The following PIAS2 variants were observed in gnomAD, a reference collection of about 807,000 sequenced individuals.
PIAS2 encodes the protein protein inhibitor of activated STAT 2.
In PIAS2, 19 loss-of-function variants were observed where a neutral mutation model predicts 69.7. The observed-to-expected ratio is 0.27, with a 90% CI of 0.19 to 0.40. The LOEUF is 0.40. PIAS2 is among the 10% of genes least tolerant of loss of function. The pLI is 1.00. For missense variants in PIAS2, 624 were observed against 757.0 expected (o/e 0.82, Z 2.06); for synonymous variants, 261 against 263.2 (o/e 0.99, Z 0.08).
intron 12 of PIAS2, chr18:46,817,459 T>C (rs1474510721): frequency 1.3e-5 from 12 of 953,996 alleles, no homozygotes; most frequent in East Asian, 1.2e-4. Flanking sequence ...CTGAGGATCC[T>C]ATTTTTGTTA....
intron 1 of PIAS2, among the ~76,000 whole-genome samples, chr18:46,897,935 G>A (rs936327399): frequency 4.0e-5 from 6 of 151,358 alleles, no homozygotes; most frequent in South Asian, 2.1e-4. Context: ...GTGGCAACAC[G>A]ATCTTGGCTC....
At chr18:46,876,921 C>T (rs1403094088) in intron 2 of PIAS2, among the ~76,000 whole-genome samples, 3 of 152,052 alleles carry the variant, frequency 2.0e-5, no homozygotes, top group Admixed American at 2.0e-4. Context: ...AGGATGGTCT[C>T]GATCTCCTGA....
intron 2 of PIAS2, among the ~76,000 whole-genome samples, chr18:46,883,668 A>T (rs148231567): frequency 3.8e-4 from 58 of 151,970 alleles, no homozygotes; most frequent in Admixed American, 1.7e-3. Context: ...GCAAAATCTC[A>T]TATCTACAAA....
intron 1 of PIAS2, among the ~76,000 whole-genome samples, chr18:46,905,467 TAAGAA>T (rs1056337420): frequency 3.3e-5 from 5 of 151,606 alleles, no homozygotes; most frequent in African/African-American, 7.3e-5. Context: ...AAAGGAAATG[TAAGAA>T]AAGAAAAGAA....
intron 1 of PIAS2, among the ~76,000 whole-genome samples, chr18:46,911,435 C>T (rs1056057198): frequency 1.8e-4 from 27 of 152,032 alleles, no homozygotes; most frequent in Non-Finnish European, 3.1e-4. Context: ...AGGCTGGTCT[C>T]TAACTCCTGA....
At chr18:46,832,794 A>C (rs620228) in intron 9 of PIAS2, among the ~76,000 whole-genome samples, 66,514 of 150,578 alleles carry the variant, frequency 0.44, 14,723 homozygotes, top group Middle Eastern at 0.52. Flanking sequence ...GGGGAGGCTG[A>C]GGCAGGAGAA....
intron 2 of PIAS2, among the ~76,000 whole-genome samples, chr18:46,884,915 CA>C (rs34131713): frequency 1.2e-4 from 17 of 139,334 alleles, no homozygotes; most frequent in Admixed American, 2.2e-4. Context: ...AAATCTGTCT[CA>C]AAAAAAAAAA....
rs1309926300 is a variant in PIAS2 at position 46,917,370 on chromosome 18, GCCGCTGCCGCCGCACCCACTC to G, written c.-46_-26del. 3.4e-6 allele frequency: 5 copies of G among 1,452,776 alleles called. No homozygotes were observed. Among genetic ancestry groups the G allele is most frequent in the African/African-American group, 3.0e-5 (2 of 66,888 alleles). 90.0% of individuals were successfully genotyped at this position (1,452,776 alleles called of 1,614,324 possible). On this transcript the variant is annotated 5_prime_UTR_variant, in exon 1 of 14. Coordinates refer to ENST00000585916, the MANE Select transcript of PIAS2 (RefSeq NM_004671.5). ...TTTTATACCACCCGCGGGCGCCGCCGCCGCTGCCGCCGCACCCACTCCCGCTGCCGCCAACGACGCTGCCGC... is the reference window on the plus strand; with the variant it reads ...TTTTATACCACCCGCGGGCGCCGCCGCCGCTGCCGCCAACGACGCTGCCGC...
chr18:46,917,360 G>GGGC lies in PIAS2; in HGVS notation c.-18_-16dup. 1.4e-6 allele frequency: 2 copies of GGGC among 1,461,092 alleles called. No homozygotes were observed. Among genetic ancestry groups the GGGC allele is most frequent in the Non-Finnish European group, 1.8e-6 (2 of 1,101,004 alleles). 90.5% of individuals were successfully genotyped at this position (1,461,092 alleles called of 1,614,324 possible). ...AAATCCGCCATTTTATACCACCCGC[G>GGGC]GGCGCCGCCGCCGCTGCCGCCGCAC... is the stretch of plus-strand genomic sequence containing the variant. On this transcript the variant is annotated 5_prime_UTR_variant, in exon 1 of 14. Transcript: ENST00000585916.
chr18:46,868,018 C>A (rs1436262394), intron 2 of PIAS2, among the ~76,000 whole-genome samples: 1 of 152,222 alleles, frequency 6.6e-6, no homozygotes, highest in Non-Finnish European at 1.5e-5. Context: ...TCCAAGTCAT[C>A]AGGTGGCATA....
At chr18:46,892,875 A>C (rs2054270448) in intron 1 of PIAS2, among the ~76,000 whole-genome samples, 1 of 142,032 alleles carries the variant, frequency 7.0e-6, no homozygotes, top group African/African-American at 2.7e-5. Context: ...TTGTAATTTA[A>C]AAATAATCAT....
chr18:46,890,148 C>CA (rs769166886), intron 2 of PIAS2, among the ~76,000 whole-genome samples: 15 of 152,108 alleles, frequency 9.9e-5, no homozygotes, highest in Non-Finnish European at 1.5e-4. Context: ...AAATCATAGA[C>CA]AGTGGAAGTA....
intron 2 of PIAS2, 114 bp downstream of exon 2, chr18:46,890,466 C>T (rs1013373137): frequency 4.1e-5 from 27 of 659,566 alleles, no homozygotes; most frequent in Middle Eastern, 4.2e-4. Context: ...TTCAAACATT[C>T]GGCATTGATG....
At chr18:46,914,445 G>T (rs185780136) in intron 1 of PIAS2, among the ~76,000 whole-genome samples, 45 of 152,288 alleles carry the variant, frequency 3.0e-4, no homozygotes, top group African/African-American at 1.1e-3. Flanking sequence ...GTATAGAGCT[G>T]CCATATTCTG....
At chr18:46,890,123 TA>T (rs1476750038) in intron 2 of PIAS2, among the ~76,000 whole-genome samples, 1 of 152,188 alleles carries the variant, frequency 6.6e-6, no homozygotes, top group Non-Finnish European at 1.5e-5. Context: ...CGACATGAGG[TA>T]CTTGGAATAG....
At chr18:46,820,857 T>C (rs1157336434) in intron 12 of PIAS2, 76 bp downstream of exon 12, 2 of 1,426,580 alleles carry the variant, frequency 1.4e-6, no homozygotes, top group African/African-American at 1.4e-5. Context: ...TTCAAAACTA[T>C]ACTGGCTTCA....
At chr18:46,859,205 G>A (rs1012786986) in intron 3 of PIAS2, among the ~76,000 whole-genome samples, 3 of 152,106 alleles carry the variant, frequency 2.0e-5, no homozygotes, top group Admixed American at 2.0e-4. Flanking sequence ...GAAGCGGGTG[G>A]ATCATGAGGT....
chr18:46,898,269 T>A (rs1306364652), intron 1 of PIAS2, among the ~76,000 whole-genome samples: 1 of 152,060 alleles, frequency 6.6e-6, no homozygotes, highest in African/African-American at 2.4e-5. Context: ...TGCCTCAGCC[T>A]CCCAAATACT....
chr18:46,841,377 G>C (rs540123871), intron 8 of PIAS2, among the ~76,000 whole-genome samples: 1 of 152,172 alleles, frequency 6.6e-6, no homozygotes, highest in African/African-American at 2.4e-5. Flanking sequence ...TCTTATTTAA[G>C]TGCCTGGGAT....
Sources: allele counts gnomAD v4.1 joint callset (sites outside exome capture counted in the v4.1 genomes callset), GRCh38; gene constraint gnomAD v4.1.1; transcripts MANE v1.5; gene names NCBI Gene and HGNC (gene_info 2026-07-23, HGNC 2026-07-21).